The following TNRC6A variants were observed in gnomAD, a reference collection of about 807,000 sequenced individuals.
TNRC6A encodes trinucleotide repeat containing adaptor 6A.
Under a neutral mutation model 221.2 loss-of-function variants are expected in TNRC6A, and 44 were observed. That is an observed-to-expected ratio of 0.20 (90% CI 0.16 to 0.26). TNRC6A has a LOEUF of 0.26. Ranked by LOEUF, TNRC6A falls within the 10% of genes least tolerant of loss-of-function variation. The pLI is 1.00. For missense variants in TNRC6A, 2,199 were observed against 2,404.4 expected, an observed-to-expected ratio of 0.91 and a Z score of 1.79; for synonymous variants, 847 against 838.5, an observed-to-expected ratio of 1.01 and a Z score of -0.18.
chr16:24,683,897 G>C (rs2055579016), intron 2 of TNRC6A, among the ~76,000 whole-genome samples: 1 of 152,132 alleles, frequency 6.6e-6, no homozygotes, highest in African/African-American at 2.4e-5. Context: ...CCCTTCAAAG[G>C]TACTGATGTG....
chr16:24,676,100 A>G (rs1162174608), intron 2 of TNRC6A, among the ~76,000 whole-genome samples: 1 of 152,022 alleles, frequency 6.6e-6, no homozygotes, highest in Non-Finnish European at 1.5e-5. Context: ...CTCAGAATTC[A>G]TATATGTGCC....
intron 1 of TNRC6A, among the ~76,000 whole-genome samples, chr16:24,625,431 G>A (rs373422028): frequency 6.6e-6 from 1 of 152,114 alleles, no homozygotes; most frequent in Admixed American, 6.6e-5. Context: ...GACCAACATG[G>A]TGAAACCCCG....
At chr16:24,703,294 T>G (rs551653228) in intron 2 of TNRC6A, among the ~76,000 whole-genome samples, 1 of 152,206 alleles carries the variant, frequency 6.6e-6, no homozygotes, top group Non-Finnish European at 1.5e-5. Context: ...TGGAATGACA[T>G]TATATGTTGT....
intron 2 of TNRC6A, among the ~76,000 whole-genome samples, chr16:24,646,786 A>G (rs1179144462): frequency 6.6e-6 from 1 of 152,216 alleles, no homozygotes; most frequent in Non-Finnish European, 1.5e-5. Flanking sequence ...GTTGGGTGGT[A>G]TCTCATGGCA....
chr16:24,820,812 C>G (rs1448159458), intron 22 of TNRC6A, among the ~76,000 whole-genome samples: 2 of 152,236 alleles, frequency 1.3e-5, no homozygotes, highest in African/African-American at 2.4e-5. Flanking sequence ...CCCCGGCAGT[C>G]TGGTTCCTCT....
chr16:24,611,098 C>A (rs1312387971), intron 1 of TNRC6A, among the ~76,000 whole-genome samples: 3 of 152,154 alleles, frequency 2.0e-5, no homozygotes, highest in Non-Finnish European at 2.9e-5. Flanking sequence ...CAGGCATCAA[C>A]CCCTGAGTCC....
chr16:24,690,974 AT>A (rs906817023), intron 2 of TNRC6A, among the ~76,000 whole-genome samples: 1 of 151,372 alleles, frequency 6.6e-6, no homozygotes, highest in Non-Finnish European at 1.5e-5. Context: ...CGCCCGGCTA[AT>A]TTTTTTTGTA....
rs72770415 is a variant in TNRC6A at position 24,800,554 on chromosome 16, G to A, written c.3694+2588G>A. Among the ~76,000 whole-genome samples, 1,243 of 152,292 alleles carry A rather than the reference G, an allele frequency of 8.2e-3. 10 individuals carry two copies. Among genetic ancestry groups the A allele is most frequent in the Middle Eastern group, 0.041 (12 of 294 alleles). On this transcript the variant is annotated intron_variant, in intron 11 of 24. Transcript: ENST00000395799. ...GGCTGTGGATAACAGAAGCTTTACA[G>A]GCAACAAAAATCTGTGTCCAGAATG...
chr16:24,683,538 G>C (rs1015632109), intron 2 of TNRC6A, among the ~76,000 whole-genome samples: 3 of 152,076 alleles, frequency 2.0e-5, no homozygotes, highest in African/African-American at 7.2e-5. Flanking sequence ...GGTAGCTCAG[G>C]CAAGGCTCAG....
chr16:24,655,326 TTAAAG>T (rs2054887736), intron 2 of TNRC6A, among the ~76,000 whole-genome samples: 1 of 152,238 alleles, frequency 6.6e-6, no homozygotes, highest in Non-Finnish European at 1.5e-5. Context: ...CTTTGTGGTT[TTAAAG>T]TATTTTCACT....
Position 24,750,623 on chromosome 16 carries a change from A to G in TNRC6A, c.54-103A>G, listed in dbSNP as rs143109036. The G allele has an allele frequency of 1.9e-3, 2,417 of 1,294,532 alleles. 3 individuals carry two copies. Among genetic ancestry groups the G allele is most frequent in the Middle Eastern group, 5.0e-3 (22 of 4,398 alleles). The allele number at this position is 1,294,532 out of a possible 1,614,324, so 80.2% of individuals were successfully genotyped here. ...ATGAATGATAAAATAATAATTTGCCATGTCTTCTAATAAGAGTGAAAAAGT... is the reference window on the plus strand; with the variant it reads ...ATGAATGATAAAATAATAATTTGCCGTGTCTTCTAATAAGAGTGAAAAAGT... On this transcript the variant is annotated intron_variant, in intron 2 of 24. Coordinates refer to ENST00000395799, the MANE Select transcript of TNRC6A (RefSeq NM_014494.4).
At position 24,750,709 on chromosome 16, in the gene TNRC6A, G is replaced by A. The variant is rs1021568057; in HGVS notation, c.54-17G>A. 6.7e-7 allele frequency: 1 copy of A among 1,499,296 alleles called. No homozygotes were observed. Among genetic ancestry groups the A allele is most frequent in the Non-Finnish European group, 8.9e-7 (1 of 1,128,030 alleles). The allele number at this position is 1,499,296 out of a possible 1,614,324, so 92.9% of individuals were successfully genotyped here. ...TTAATACATTTTGGGAAACTTAATT[G>A]CAACTGTGTGGTTCAGGGATTTAGT... On this transcript the variant is annotated splice_polypyrimidine_tract_variant and intron_variant, in intron 2 of 24. Transcript: ENST00000395799.
upstream of TNRC6A, among the ~76,000 whole-genome samples, chr16:24,728,892 C>T (rs886789145): frequency 1.3e-5 from 2 of 152,068 alleles, no homozygotes; most frequent in Non-Finnish European, 2.9e-5. Context: ...GCAACCATTT[C>T]CTCCATGCCG....
At chr16:24,749,982 A>C (rs980835508) in intron 2 of TNRC6A, among the ~76,000 whole-genome samples, 13 of 152,218 alleles carry the variant, frequency 8.5e-5, no homozygotes, top group African/African-American at 3.1e-4. Context: ...TGTACTAAAA[A>C]TACAAAAATT....
chr16:24,688,557 A>G lies in TNRC6A; in HGVS notation n.402+47548A>G, dbSNP rs377222130. On this transcript the variant is annotated intron_variant and non_coding_transcript_variant, in intron 2 of 2. Transcript: ENST00000566108. ...AATCCAGGCCTAAGTCAATCAGGACATGGCATTTGCCTAGAGATAAAGAAT... is the reference window on the plus strand; with the variant it reads ...AATCCAGGCCTAAGTCAATCAGGACGTGGCATTTGCCTAGAGATAAAGAAT... Among the ~76,000 whole-genome samples, 146 of 152,318 alleles carry G rather than the reference A, an allele frequency of 9.6e-4. 2 individuals are homozygous for G. The highest frequency in any genetic ancestry group is 3.4e-3 in the Middle Eastern group (1 of 294).
At chr16:24,745,118 C>G (rs1214747419) in intron 2 of TNRC6A, among the ~76,000 whole-genome samples, 1 of 152,184 alleles carries the variant, frequency 6.6e-6, no homozygotes, top group Non-Finnish European at 1.5e-5. Flanking sequence ...TGACCCCTTT[C>G]CACTTCCAGA....
At chr16:24,649,558 C>T (rs1427924590) in intron 2 of TNRC6A, among the ~76,000 whole-genome samples, 1 of 152,086 alleles carries the variant, frequency 6.6e-6, no homozygotes, top group East Asian at 1.9e-4. Flanking sequence ...ATCCTCCCAC[C>T]TCTGCCTCTC....
In TNRC6A at chr16:24,823,790, G is replaced by T; in HGVS notation, c.5872G>T (p.Gly1958Cys). 1 of 1,475,116 alleles carries T rather than the reference G, an allele frequency of 6.8e-7. No individual in the cohort carries two copies. Among genetic ancestry groups the T allele is most frequent in the Non-Finnish European group, 9.0e-7 (1 of 1,112,374 alleles). 91.4% of individuals were successfully genotyped at this position (1,475,116 alleles called of 1,614,324 possible). A position where few individuals can be genotyped will look rare whatever the true frequency, so the allele number is the denominator to read the frequency against. Residue 1958 changes from glycine to cysteine, a missense_variant, in exon 25 of 25, where the codon GGT (glycine) becomes TGT (cysteine). Gly to Cys is a radical substitution (Grantham distance 159, BLOSUM62 -3). Transcript: ENST00000395799. The surrounding 1 kb of genome is among the most constrained non-coding windows in gnomAD (Gnocchi z 4.3). ...TCTTTCTGTTGACCACCTGGGTGGG[G>T]GTGGAGAGTCCATGTAACAGTGTAG... is the stretch of plus-strand genomic sequence containing the variant. ...AFLSVDHLGGGGESM is the reference protein window; with the variant it reads ...AFLSVDHLGGCGESM
intron 4 of TNRC6A, among the ~76,000 whole-genome samples, chr16:24,771,549 GTTATGTTATGTT>G (rs1404597653): frequency 7.9e-5 from 8 of 101,044 alleles, no homozygotes; most frequent in Non-Finnish European, 1.3e-4. Context: ...GTTATGTTAT[GTTATGTTATGTT>G]TTATGTTATG....
Sources: gnomAD v4.1 joint callset for allele counts (sites outside exome capture counted in the v4.1 genomes callset) on GRCh38, gnomAD v4.1.1 for gene constraint, Gnocchi (gnomAD v3.1) non-coding constraint, MANE v1.5 for transcripts, NCBI Gene and HGNC (gene_info 2026-07-23, HGNC 2026-07-21) for gene names.